The following SPOCK1 variants were observed in gnomAD, a reference collection of about 807,000 sequenced individuals.
SPOCK1 encodes the protein testican-1.
Under a neutral mutation model 55.3 loss-of-function variants are expected in SPOCK1, and 23 were observed. That is an observed-to-expected ratio of 0.42 (90% CI 0.30 to 0.59). The LOEUF is 0.59. Ranked by LOEUF, SPOCK1 falls within the 20% of genes least tolerant of loss-of-function variation. SPOCK1 has a pLI of 0.22. For synonymous variants in SPOCK1, 226 were observed against 221.0 expected (o/e 1.02, Z -0.20); for missense variants, 499 against 552.5 (o/e 0.90, Z 0.97).
chr5:137,303,082 A>G (rs1038369499), intron 2 of SPOCK1, among the ~76,000 whole-genome samples: 2 of 152,196 alleles, frequency 1.3e-5, no homozygotes, highest in African/African-American at 4.8e-5. Flanking sequence ...ACTGAATTGG[A>G]AGAATCACGG....
intron 3 of SPOCK1, among the ~76,000 whole-genome samples, chr5:137,244,345 T>C (rs1756354897): frequency 6.6e-6 from 1 of 152,168 alleles, no homozygotes; most frequent in Non-Finnish European, 1.5e-5. Context: ...CCCACTGTCT[T>C]TAAGGTAACT....
intron 5 of SPOCK1, among the ~76,000 whole-genome samples, chr5:137,100,278 C>T (rs537458963): frequency 1.4e-4 from 21 of 152,298 alleles, no homozygotes; most frequent in African/African-American, 4.3e-4. Context: ...GAGGGATCAT[C>T]ACAGTGCATT....
intron 2 of SPOCK1, among the ~76,000 whole-genome samples, chr5:137,297,965 G>A (rs1267874165): frequency 1.3e-5 from 2 of 152,068 alleles, no homozygotes. Context: ...TGATTCAAAG[G>A]CGGTATTTTA....
chr5:137,177,201 G>A (rs1184770618), intron 3 of SPOCK1, among the ~76,000 whole-genome samples: 1 of 152,180 alleles, frequency 6.6e-6, no homozygotes, highest in Non-Finnish European at 1.5e-5. Context: ...TTTCTTAGTA[G>A]CTGCAGAAAT....
chr5:137,159,965 T>C (rs1754493140), intron 3 of SPOCK1, among the ~76,000 whole-genome samples: 1 of 152,108 alleles, frequency 6.6e-6, no homozygotes, highest in South Asian at 2.1e-4. Context: ...AGGAGGCAAA[T>C]AAGTCTTTTT....
chr5:137,175,980 A>C (rs1266313150), intron 3 of SPOCK1, among the ~76,000 whole-genome samples: 2 of 152,212 alleles, frequency 1.3e-5, no homozygotes, highest in African/African-American at 4.8e-5. Flanking sequence ...TGCACTGCCC[A>C]CATGTATTTT....
At chr5:137,446,435 G>T (rs1485808564) in intron 2 of SPOCK1, among the ~76,000 whole-genome samples, 1 of 152,132 alleles carries the variant, frequency 6.6e-6, no homozygotes, top group Non-Finnish European at 1.5e-5. Flanking sequence ...CCACAGCAGT[G>T]GCCCAGAGGC....
intron 6 of SPOCK1, among the ~76,000 whole-genome samples, chr5:137,001,273 TTG>T (rs1434315830): frequency 1.3e-5 from 2 of 152,194 alleles, no homozygotes; most frequent in Non-Finnish European, 2.9e-5. Context: ...GTGATCTGAT[TTG>T]TGTTTGTGGA....
At chr5:137,217,484 G>A (rs1220750546) in intron 3 of SPOCK1, among the ~76,000 whole-genome samples, 3 of 152,182 alleles carry the variant, frequency 2.0e-5, no homozygotes, top group Admixed American at 6.5e-5. Flanking sequence ...TGGACTCTGC[G>A]ATTGCTTCCA....
intron 5 of SPOCK1, among the ~76,000 whole-genome samples, chr5:137,077,315 T>C (rs1353681217): frequency 1.3e-5 from 2 of 152,158 alleles, no homozygotes; most frequent in East Asian, 3.9e-4. Context: ...CAGTGAGGGG[T>C]TTGGCAAAGC....
Position 136,988,460 on chromosome 5 carries a change from G to C in SPOCK1, c.890C>G (p.Ser297Cys). The change falls in exon 8 of 11, where the codon TCT becomes TGT. Residue 297 changes from serine to cysteine, a missense_variant. Around this residue, in one of 3 missense-constraint regions of SPOCK1, gnomAD observed 386 missense variants for 400.6 expected, o/e 0.96. Transcript: ENST00000394945. ...GAAGCAGTAGCACCACTCATTGTTA[G>C]AAAGCTTGCCATCCTTGAAGGAGTC... is the stretch of plus-strand genomic sequence containing the variant. ...SCDSFKDGKL[S>C]NNEWCYCFQK... 6.2e-7 allele frequency: 1 copy of C among 1,614,112 alleles called. No homozygotes were observed.
intron 2 of SPOCK1, among the ~76,000 whole-genome samples, chr5:137,312,886 T>G (rs1390553618): frequency 6.6e-6 from 1 of 152,178 alleles, no homozygotes; most frequent in Non-Finnish European, 1.5e-5. Context: ...GACTAAATGC[T>G]ACTGGAGGAG....
intron 2 of SPOCK1, among the ~76,000 whole-genome samples, chr5:137,362,794 G>C (rs1580886493): frequency 6.6e-6 from 1 of 152,184 alleles, no homozygotes; most frequent in Non-Finnish European, 1.5e-5. Flanking sequence ...GACAGACAGG[G>C]CAGATTTGGC....
chr5:137,239,393 C>T (rs986449948), intron 3 of SPOCK1, among the ~76,000 whole-genome samples: 1 of 152,258 alleles, frequency 6.6e-6, no homozygotes, highest in East Asian at 1.9e-4. Flanking sequence ...AATAAATAAG[C>T]AAAGTATTTA....
Position 137,041,573 on chromosome 5 carries a change from A to G in SPOCK1, c.589+26142T>C, listed in dbSNP as rs1751999250. ...ATATTTGCAAAACACATAGCTGATAAAAGACTTGTATCCAAAATACAAACG... is the reference window on the plus strand; with the variant it reads ...ATATTTGCAAAACACATAGCTGATAGAAGACTTGTATCCAAAATACAAACG... On this transcript the variant is annotated intron_variant, in intron 6 of 10. Transcript: ENST00000394945. Among the ~76,000 whole-genome samples, 4 of 152,362 alleles carry G rather than the reference A, an allele frequency of 2.6e-5. No homozygotes were observed. In the South Asian group the frequency reaches 8.3e-4, roughly 32 times the overall value.
intron 2 of SPOCK1, among the ~76,000 whole-genome samples, chr5:137,447,751 A>C (rs1264185712): frequency 1.3e-5 from 2 of 152,156 alleles, no homozygotes. Context: ...CTATAAGAGA[A>C]ATGACTAGGA....
At chr5:137,497,669 G>C (rs1372632407) in intron 2 of SPOCK1, among the ~76,000 whole-genome samples, 1 of 152,174 alleles carries the variant, frequency 6.6e-6, no homozygotes, top group Non-Finnish European at 1.5e-5. Context: ...GCGTGTCCGG[G>C]AGTAACTTTC....
At chr5:137,389,257 G>C (rs1751662303) in intron 2 of SPOCK1, among the ~76,000 whole-genome samples, 1 of 152,214 alleles carries the variant, frequency 6.6e-6, no homozygotes, top group South Asian at 2.1e-4. Flanking sequence ...AGAACACCTT[G>C]TCCTGGTCCT....
intron 2 of SPOCK1, among the ~76,000 whole-genome samples, chr5:137,396,856 A>G (rs1397432067): frequency 6.6e-6 from 1 of 152,152 alleles, no homozygotes; most frequent in African/African-American, 2.4e-5. Context: ...ATTCACTGCC[A>G]CCCAAGAGAG....
Sources: allele counts gnomAD v4.1 joint callset (sites outside exome capture counted in the v4.1 genomes callset), GRCh38; gene constraint gnomAD v4.1.1; regional missense constraint gnomAD v4.1.1; transcripts MANE v1.5; gene names NCBI Gene and HGNC (gene_info 2026-07-23, HGNC 2026-07-21).